ACSL3: variants seen among roughly 807,000 people sequenced by gnomAD.
The protein encoded by ACSL3 is fatty acid CoA ligase Acsl3.
A neutral mutation model predicts 84.7 loss-of-function variants in ACSL3; 34 were observed. That is an observed-to-expected ratio of 0.40 (90% CI 0.31 to 0.53). ACSL3 has a LOEUF of 0.53. Ranked by LOEUF, ACSL3 falls within the 20% of genes least tolerant of loss-of-function variation. The pLI is 0.48. For synonymous variants in ACSL3, 315 were observed against 299.4 expected, an observed-to-expected ratio of 1.05 and a Z score of -0.54; for missense variants, 680 against 873.1, an observed-to-expected ratio of 0.78 and a Z score of 2.79.
chr2:222,921,622 AT>A (rs1696741588), intron 8 of ACSL3, among the ~76,000 whole-genome samples, 192 bp downstream of exon 8: 1 of 152,086 alleles, frequency 6.6e-6, no homozygotes. Flanking sequence ...TTGAAAATAT[AT>A]CATATAGATA....
intron 14 of ACSL3, among the ~76,000 whole-genome samples, chr2:222,932,343 T>C (rs1479531383): frequency 6.6e-6 from 1 of 152,202 alleles, no homozygotes; most frequent in Non-Finnish European, 1.5e-5. Context: ...TTCTTTCTTT[T>C]TTTGAGATGT....
chr2:222,932,378 G>A (rs1697055041), intron 14 of ACSL3, among the ~76,000 whole-genome samples: 1 of 152,114 alleles, frequency 6.6e-6, no homozygotes, highest in Admixed American at 6.5e-5. Context: ...GCCCAGGCTG[G>A]AGTGCAGTGG....
Position 222,869,078 on chromosome 2 carries a change from G to C in ACSL3, c.-207+7820G>C, listed in dbSNP as rs1034027859. The stretch of plus-strand genomic sequence containing the variant: ...TGAAATTCTCAGATAATTACCAAGG[G>C]TCTACTCTTGTTAGTTTTAAATACC... On this transcript the variant is annotated intron_variant, in intron 1 of 16. Transcript: ENST00000357430. Among the ~76,000 whole-genome samples the C allele has an allele frequency of 3.9e-5, 6 of 152,112 alleles. No homozygotes were observed. In the East Asian group the frequency reaches 1.2e-3, roughly 29 times the overall value.
At chr2:222,898,272 G>A (rs186875097) in intron 2 of ACSL3, among the ~76,000 whole-genome samples, 3 of 151,928 alleles carry the variant, frequency 2.0e-5, no homozygotes, top group East Asian at 3.9e-4. Context: ...GTTGTGTTTC[G>A]TCATACAGAA....
At chr2:222,925,798 A>C (rs907566344) in intron 11 of ACSL3, among the ~76,000 whole-genome samples, 8 of 152,164 alleles carry the variant, frequency 5.3e-5, no homozygotes, top group African/African-American at 1.7e-4. Flanking sequence ...ATATAATTAA[A>C]TGTTTTGTAT....
chr2:222,863,568 C>G lies in ACSL3; in HGVS notation c.-207+2310C>G, dbSNP rs77997859. Among the ~76,000 whole-genome samples, 928 of 152,254 alleles carry G rather than the reference C, an allele frequency of 6.1e-3. 4 individuals carry two copies. The highest frequency in any genetic ancestry group is 0.022 in the African/African-American group (894 of 41,532). On this transcript the variant is annotated intron_variant, in intron 1 of 16. Coordinates refer to ENST00000357430, the MANE Select transcript of ACSL3 (RefSeq NM_004457.5). ...AAATGAACTGTAAGGGGGAGTAAGA[C>G]TCTTTTATGTGAGATTTGGGCTTGA...
chr2:222,866,171 A>G (rs1695132765), intron 1 of ACSL3, among the ~76,000 whole-genome samples: 2 of 151,318 alleles, frequency 1.3e-5, no homozygotes, highest in African/African-American at 4.9e-5. Flanking sequence ...TTTGAGACGG[A>G]GTCTCGCTCT....
chr2:222,871,952 T>TC (rs369936756), intron 1 of ACSL3, among the ~76,000 whole-genome samples: 3 of 151,722 alleles, frequency 2.0e-5, no homozygotes, highest in East Asian at 3.9e-4. Flanking sequence ...CTTGTGGCAT[T>TC]CCCCCCCACC....
intron 2 of ACSL3, among the ~76,000 whole-genome samples, chr2:222,893,744 C>T (rs1695898348): frequency 6.6e-6 from 1 of 151,868 alleles, no homozygotes. Context: ...TTTCCGCCTC[C>T]TTTCCCTCTC....
chr2:222,902,439 T>A (rs1314907768), intron 3 of ACSL3, among the ~76,000 whole-genome samples: 1 of 152,140 alleles, frequency 6.6e-6, no homozygotes, highest in Non-Finnish European at 1.5e-5. Flanking sequence ...ATAATTCAAA[T>A]CCTTCAATAA....
At chr2:222,882,662 C>G (rs1175445224) in intron 1 of ACSL3, among the ~76,000 whole-genome samples, 1 of 152,056 alleles carries the variant, frequency 6.6e-6, no homozygotes, top group African/African-American at 2.4e-5. Context: ...CTGCTGTTGC[C>G]TACCTGCTGT....
chr2:222,871,171 C>T (rs12998074), intron 1 of ACSL3, among the ~76,000 whole-genome samples: 93,067 of 151,990 alleles, frequency 0.61, 29,379 homozygotes, highest in African/African-American at 0.7. Context: ...GGGAAGGGAA[C>T]ATTACCAAAT....
chr2:222,890,381 G>A (rs1695815320), intron 2 of ACSL3, among the ~76,000 whole-genome samples: 1 of 152,100 alleles, frequency 6.6e-6, no homozygotes, highest in African/African-American at 2.4e-5. Flanking sequence ...TTAAGCTATT[G>A]TACCTCTTAT....
intron 2 of ACSL3, among the ~76,000 whole-genome samples, chr2:222,889,558 G>A (rs945573725): frequency 3.3e-5 from 5 of 152,170 alleles, no homozygotes; most frequent in South Asian, 4.1e-4. Context: ...ACATTTGTAC[G>A]TGTCCTTTGT....
chr2:222,936,704 T>C (rs1356589929), intron 16 of ACSL3, among the ~76,000 whole-genome samples: 5 of 137,302 alleles, frequency 3.6e-5, no homozygotes, highest in Middle Eastern at 3.4e-3. Context: ...AAGACATACC[T>C]GAGACTGGGT....
At chr2:222,929,759 C>G (rs536620876) in intron 13 of ACSL3, among the ~76,000 whole-genome samples, 1 of 151,820 alleles carries the variant, frequency 6.6e-6, no homozygotes, top group African/African-American at 2.4e-5. Context: ...GCCTGGGTGA[C>G]AGAGCGAAAC....
At chr2:222,909,973 C>T (rs1455803380) in intron 4 of ACSL3, among the ~76,000 whole-genome samples, 1 of 152,178 alleles carries the variant, frequency 6.6e-6, no homozygotes, top group African/African-American at 2.4e-5. Context: ...GACTGGAATC[C>T]AGGCCTTCTG....
chr2:222,927,848 A>G (rs751730587), intron 12 of ACSL3, among the ~76,000 whole-genome samples: 6 of 152,014 alleles, frequency 3.9e-5, no homozygotes, highest in African/African-American at 4.8e-5. Context: ...ATTTTTCCCT[A>G]TTTATTTTGA....
intron 16 of ACSL3, among the ~76,000 whole-genome samples, 182 bp downstream of exon 16, chr2:222,934,869 C>G (rs1049459814): frequency 4.9e-4 from 75 of 152,192 alleles, no homozygotes; most frequent in African/African-American, 1.8e-3. Flanking sequence ...ATTAACCACT[C>G]CCACCAAACT....
Sources: allele counts gnomAD v4.1 joint callset (sites outside exome capture counted in the v4.1 genomes callset), GRCh38; gene constraint gnomAD v4.1.1; transcripts MANE v1.5; gene names NCBI Gene and HGNC (gene_info 2026-07-23, HGNC 2026-07-21).